Variants in GLI3 observed in about 807,000 individuals in gnomAD.
The protein encoded by GLI3 is transcription activator GLI3.
GLI3 carries 20 observed loss-of-function variants against 100.8 expected under a neutral mutation model. The observed-to-expected ratio is 0.20, with a 90% CI of 0.14 to 0.29. The LOEUF (loss-of-function observed/expected upper bound fraction) is 0.29. GLI3 is among the 10% of genes least tolerant of loss of function. The pLI is 1.00. For missense variants in GLI3, 2,040 were observed against 2,128.5 expected, an observed-to-expected ratio of 0.96 and a Z score of 0.82; for synonymous variants, 938 against 860.5, an observed-to-expected ratio of 1.09 and a Z score of -1.58.
chr7:42,135,467 C>T (rs1159483104), intron 3 of GLI3, among the ~76,000 whole-genome samples: 1 of 152,176 alleles, frequency 6.6e-6, no homozygotes, highest in East Asian at 1.9e-4. Context: ...TGAAACATTA[C>T]TTTATACAGA....
intron 7 of GLI3, among the ~76,000 whole-genome samples, chr7:42,032,957 A>G (rs1283021796): frequency 6.6e-6 from 1 of 152,186 alleles, no homozygotes; most frequent in African/African-American, 2.4e-5. Context: ...CCATGTAATC[A>G]CAGTGCCAGG....
chr7:42,213,194 A>G (rs546619078), intron 2 of GLI3, among the ~76,000 whole-genome samples: 3 of 152,346 alleles, frequency 2.0e-5, no homozygotes, highest in Admixed American at 6.5e-5. Flanking sequence ...TTACATAATG[A>G]AACAAGTAAT....
At chr7:41,979,752 G>C (rs181608219) in intron 10 of GLI3, among the ~76,000 whole-genome samples, 2 of 152,076 alleles carry the variant, frequency 1.3e-5, no homozygotes, top group Admixed American at 6.6e-5. Flanking sequence ...TTAATTTAAG[G>C]CTTGTGGGAA....
chr7:42,251,677 G>A (rs1789033869), intron 1 of GLI3, among the ~76,000 whole-genome samples: 1 of 152,142 alleles, frequency 6.6e-6, no homozygotes, highest in Admixed American at 6.5e-5. Flanking sequence ...ATGTTTATGT[G>A]TATGGCCTCA....
At chr7:42,134,521 T>G (rs1456874858) in intron 3 of GLI3, among the ~76,000 whole-genome samples, 3 of 152,038 alleles carry the variant, frequency 2.0e-5, no homozygotes, top group African/African-American at 7.2e-5. Flanking sequence ...CCCAGAAAAT[T>G]TATTACTTCT....
intron 3 of GLI3, among the ~76,000 whole-genome samples, chr7:42,088,961 C>T (rs1401082262): frequency 1.3e-5 from 2 of 152,212 alleles, no homozygotes; most frequent in Non-Finnish European, 2.9e-5. Flanking sequence ...CCTTGTCTAA[C>T]AAGACTCAGG....
At chr7:42,210,351 C>G (rs145904822) in intron 2 of GLI3, among the ~76,000 whole-genome samples, 6 of 80,970 alleles carry the variant, frequency 7.4e-5, no homozygotes, top group East Asian at 8.7e-4. Context: ...CCCCCCCCCC[C>G]CCCAAGTTAA....
chr7:42,182,687 T>C lies in GLI3; in HGVS notation c.125-34219A>G, dbSNP rs1484670042. On this transcript the variant is annotated intron_variant, in intron 2 of 14. Transcript: ENST00000395925. ...ATATATATATATATATATATACACATGTGTGTATATATATATACACACATA... is the reference window on the plus strand; with the variant it reads ...ATATATATATATATATATATACACACGTGTGTATATATATATACACACATA... Among the ~76,000 whole-genome samples the C allele has an allele frequency of 1.0e-3, 115 of 110,438 alleles. 2 individuals carry two copies. The highest frequency in any genetic ancestry group is 4.7e-3 in the African/African-American group (108 of 23,066). The allele number at this position is 110,438 out of a possible 152,430, so 72.5% of individuals were successfully genotyped here.
chr7:42,091,675 G>C (rs1190784986), intron 3 of GLI3, among the ~76,000 whole-genome samples: 1 of 152,152 alleles, frequency 6.6e-6, no homozygotes, highest in Non-Finnish European at 1.5e-5. Flanking sequence ...TTCTCCCCTC[G>C]TGGCTGCTAC....
At chr7:42,029,306 A>G (rs549603382) in intron 7 of GLI3, among the ~76,000 whole-genome samples, 207 of 152,342 alleles carry the variant, frequency 1.4e-3, no homozygotes, top group African/African-American at 4.3e-3. Flanking sequence ...CTCAGCTCTG[A>G]CACAGTATCA....
chr7:41,975,703 A>G (rs1458523755), intron 12 of GLI3, among the ~76,000 whole-genome samples: 1 of 152,198 alleles, frequency 6.6e-6, no homozygotes, highest in African/African-American at 2.4e-5. Flanking sequence ...GCAAACAGAC[A>G]TGTACAAATA....
chr7:42,200,271 T>C (rs1583642056), intron 2 of GLI3, among the ~76,000 whole-genome samples: 1 of 152,206 alleles, frequency 6.6e-6, no homozygotes, highest in East Asian at 1.9e-4. Context: ...GTATCCACCA[T>C]GCCAAGCAGC....
chr7:41,965,274 C>T lies in GLI3; in HGVS notation c.3799G>A (p.Ala1267Thr), dbSNP rs776248419. 13 of 1,613,546 alleles carry T rather than the reference C, an allele frequency of 8.1e-6. No homozygotes were observed. Among genetic ancestry groups the T allele is most frequent in the Non-Finnish European group, 9.3e-6 (11 of 1,179,692 alleles). ...CCGGCACCACAGGCACCGTCGAGTG[C>T]ACCAGGGGCCACTGGCTGCCTGTTG... is the stretch of plus-strand genomic sequence containing the variant. ...CLNRQPVAPG[A>T]LDGACGAGIQ... Residue 1267 changes from alanine (A) to threonine (T), a missense_variant, in exon 15 of 15, where the codon GCA (alanine) becomes ACA (threonine). Physicochemically the swap from Ala to Thr is moderately conservative, Grantham distance 58 (BLOSUM62 0). Coordinates refer to ENST00000395925, the MANE Select transcript of GLI3 (RefSeq NM_000168.6).
rs776394191 is a variant in GLI3 at position 41,967,819 on chromosome 7, A to G, written c.2208T>C (p.Gly736=). 2 of 1,613,720 alleles carry G rather than the reference A, an allele frequency of 1.2e-6. No individual in the cohort carries two copies. The highest frequency in any genetic ancestry group is 1.7e-6 in the Non-Finnish European group (2 of 1,179,958). Residue 736 remains glycine, a synonymous_variant, in exon 14 of 15, where the codon GGT becomes GGC. Transcript: ENST00000395925. ...SGLELPLTDG[G]SIGDLSAIDE... is the part of the protein sequence containing the mutation. ...CGATGGCACTGAGGTCTCCTATACT[A>G]CCTCCATCGGTCAGAGGAAGCTCGA...
At chr7:42,259,693 T>C (rs565862315) in intron 1 of GLI3, among the ~76,000 whole-genome samples, 29 of 152,328 alleles carry the variant, frequency 1.9e-4, no homozygotes, top group African/African-American at 6.5e-4. Context: ...ATCATGTCTT[T>C]TTTGATAAAC....
chr7:41,966,169 C>T lies in GLI3; in HGVS notation c.2904G>A (p.Val968=), dbSNP rs778168344. The change falls in exon 15 of 15, where the codon GTG becomes GTA. Residue 968 remains valine (V), a synonymous_variant. Coordinates refer to ENST00000395925, the MANE Select transcript of GLI3 (RefSeq NM_000168.6). This position sits in a 1 kb window ranked among gnomAD's most constrained non-coding sequence, Gnocchi z 5.8. The part of the protein sequence containing the change: ...ALLGDALEPG[V]ALPPVHAPRR... ...TCGGGGCATGAACTGGAGGCAGGGCCACGCCAGGCTCGAGGGCATCCCCGA... is the reference window on the plus strand; with the variant it reads ...TCGGGGCATGAACTGGAGGCAGGGCTACGCCAGGCTCGAGGGCATCCCCGA... 2 of 1,600,924 alleles carry T rather than the reference C, an allele frequency of 1.2e-6. No homozygotes were observed. Among genetic ancestry groups the T allele is most frequent in the Non-Finnish European group, 8.5e-7 (1 of 1,176,682 alleles).
upstream of GLI3, among the ~76,000 whole-genome samples, chr7:42,237,464 C>T (rs1300658452): frequency 6.6e-6 from 1 of 152,028 alleles, no homozygotes; most frequent in Non-Finnish European, 1.5e-5. Context: ...TGGAGAAGCC[C>T]CCCGCCCCGA....
intron 14 of GLI3, 39 bp downstream of exon 14, chr7:41,967,557 A>G (rs749018331): frequency 6.9e-7 from 1 of 1,459,480 alleles, no homozygotes; most frequent in African/African-American, 1.4e-5. Flanking sequence ...AACAGAAAAA[A>G]AAACCCTGAG....
At chr7:42,148,691 G>A (rs949827581) in intron 2 of GLI3, among the ~76,000 whole-genome samples, 1 of 152,178 alleles carries the variant, frequency 6.6e-6, no homozygotes, top group Admixed American at 6.5e-5. Flanking sequence ...AAGGATGAAG[G>A]AGAGCAGGAA....
Sources: allele counts gnomAD v4.1 joint callset (sites outside exome capture counted in the v4.1 genomes callset), GRCh38; gene constraint gnomAD v4.1.1; non-coding constraint Gnocchi (gnomAD v3.1); transcripts MANE v1.5; gene names NCBI Gene and HGNC (gene_info 2026-07-23, HGNC 2026-07-21).